ZPLD1: variants seen among roughly 807,000 people sequenced by gnomAD.
ZPLD1 encodes the protein zona pellucida like domain containing 1, also known as zona pellucida-like domain-containing protein 1.
Under a neutral mutation model 47.2 loss-of-function variants are expected in ZPLD1, and 34 were observed. The observed-to-expected ratio is 0.72, with a 90% confidence interval of 0.55 to 0.96. ZPLD1 has a LOEUF of 0.96. Among genes scored for constraint, ZPLD1 ranks in the 40% least tolerant of loss-of-function variants. ZPLD1 has a pLI of 0.00. For synonymous variants in ZPLD1, 176 were observed against 186.2 expected, an observed-to-expected ratio of 0.95 and a Z score of 0.45; for missense variants, 512 against 505.8, an observed-to-expected ratio of 1.01 and a Z score of -0.12.
At chr3:102,448,716 A>G (rs1170073658) in intron 3 of ZPLD1, among the ~76,000 whole-genome samples, 1 of 152,244 alleles carries the variant, frequency 6.6e-6, no homozygotes, top group Non-Finnish European at 1.5e-5. Context: ...GAAAACAGAA[A>G]AGAGCACTAC....
At chr3:102,392,157 C>G (rs1706503402) in intron 6 of ZPLD1, 1 of 152,042 alleles carries the variant, frequency 6.6e-6, no homozygotes, top group Non-Finnish European at 1.5e-5. Context: ...TCCACAATAC[C>G]CTCTTCTTTT....
intron 10 of ZPLD1, among the ~76,000 whole-genome samples, chr3:102,475,453 A>G (rs1707745518): frequency 6.6e-6 from 1 of 152,162 alleles, no homozygotes; most frequent in Non-Finnish European, 1.5e-5. Flanking sequence ...ATTTTAAAGC[A>G]ATTAAGTGTG....
chr3:102,437,327 C>G (rs1707105824), intron 2 of ZPLD1, among the ~76,000 whole-genome samples: 1 of 152,124 alleles, frequency 6.6e-6, no homozygotes, highest in South Asian at 2.1e-4. Flanking sequence ...TTTCCCACAT[C>G]CTCACCAAAG....
intron 8 of ZPLD1, among the ~76,000 whole-genome samples, chr3:102,419,673 A>G (rs2107305151): frequency 6.6e-6 from 1 of 151,884 alleles, no homozygotes; most frequent in Non-Finnish European, 1.5e-5. Context: ...TCTAAACGTA[A>G]CTTTTGAACC....
rs1706449022 is a variant in ZPLD1 at position 102,387,883 on chromosome 3, G to T, written c.-213+2566G>T. On this transcript the variant is annotated intron_variant, in intron 6 of 17. Transcript: ENST00000491959. Reference sequence around the variant, plus strand: ...TTTTTTTTTTTTTTTTTGTGAGACGGAGTCTCTCTCTCTGTCGCCCAGGCT... The same window carrying T: ...TTTTTTTTTTTTTTTTTGTGAGACGTAGTCTCTCTCTCTGTCGCCCAGGCT... Among the ~76,000 whole-genome samples, 7 of 132,930 alleles carry T rather than the reference G, an allele frequency of 5.3e-5. No homozygotes were observed. In the South Asian group the frequency reaches 1.6e-3, roughly 31 times the overall value. The allele number at this position is 132,930 out of a possible 152,430, so 87.2% of individuals were successfully genotyped here. A position where few individuals can be genotyped will look rare whatever the true frequency, so the allele number is the denominator to read the frequency against.
intron 10 of ZPLD1, among the ~76,000 whole-genome samples, chr3:102,475,790 C>G (rs551766497): frequency 2.4e-4 from 37 of 152,096 alleles, no homozygotes; most frequent in African/African-American, 6.3e-4. Context: ...CAGAATCAGA[C>G]AGCAGAACCA....
chr3:102,457,189 C>T (rs145957006), intron 5 of ZPLD1, among the ~76,000 whole-genome samples: 161 of 152,232 alleles, frequency 1.1e-3, no homozygotes, highest in African/African-American at 3.7e-3. Flanking sequence ...ATATTCATAG[C>T]TGGTTTTAAT....
intron 10 of ZPLD1, 91 bp from the exon 11 acceptor site, chr3:102,476,921 T>C: frequency 4.1e-6 from 6 of 1,448,388 alleles, no homozygotes; most frequent in Non-Finnish European, 5.8e-6. Flanking sequence ...CAGGTAAAAA[T>C]GTAGGTACAA....
intron 6 of ZPLD1, among the ~76,000 whole-genome samples, chr3:102,389,292 G>T (rs1292088989): frequency 6.6e-6 from 1 of 152,130 alleles, no homozygotes; most frequent in African/African-American, 2.4e-5. Flanking sequence ...CAACACATAT[G>T]GTTGACATGT....
At chr3:102,465,355 T>C (rs1707574439) in intron 8 of ZPLD1, among the ~76,000 whole-genome samples, 1 of 152,070 alleles carries the variant, frequency 6.6e-6, no homozygotes, top group Non-Finnish European at 1.5e-5. Context: ...TAGAAAAAAA[T>C]GGTTGGCTTT....
At chr3:102,441,665 A>C (rs1235643053) in intron 3 of ZPLD1, among the ~76,000 whole-genome samples, 1 of 152,174 alleles carries the variant, frequency 6.6e-6, no homozygotes, top group African/African-American at 2.4e-5. Context: ...TGTGATTCAC[A>C]TCACAGGTAA....
At chr3:102,403,751 C>CA (rs1299228591) in intron 7 of ZPLD1, among the ~76,000 whole-genome samples, 1 of 151,714 alleles carries the variant, frequency 6.6e-6, no homozygotes, top group Non-Finnish European at 1.5e-5. Flanking sequence ...GTAGGTGGGC[C>CA]ATAAAGGAAT....
At chr3:102,431,074 C>T (rs1341750069), upstream of ZPLD1, among the ~76,000 whole-genome samples, 1 of 152,080 alleles carries the variant, frequency 6.6e-6, no homozygotes, top group African/African-American at 2.4e-5. Flanking sequence ...TCACTTACTC[C>T]CCCAAAACTC....
chr3:102,435,863 C>A (rs1427890641), intron 1 of ZPLD1, among the ~76,000 whole-genome samples: 1 of 152,156 alleles, frequency 6.6e-6, no homozygotes, highest in East Asian at 1.9e-4. Context: ...AGGATGATCT[C>A]GATCTCCTGA....
At chr3:102,421,125 C>T (rs1023142387) in intron 8 of ZPLD1, among the ~76,000 whole-genome samples, 5 of 151,860 alleles carry the variant, frequency 3.3e-5, no homozygotes, top group Non-Finnish European at 5.9e-5. Context: ...GTAAGAGAGA[C>T]TGAAGACCGC....
chr3:102,470,748 G>A (rs375775700), intron 10 of ZPLD1, among the ~76,000 whole-genome samples: 6 of 139,322 alleles, frequency 4.3e-5, no homozygotes, highest in Admixed American at 2.1e-4. Context: ...ACACACACAC[G>A]CACACACGAG....
intron 7 of ZPLD1, among the ~76,000 whole-genome samples, chr3:102,400,217 C>A (rs984634021): frequency 2.6e-5 from 4 of 152,052 alleles, no homozygotes; most frequent in African/African-American, 7.2e-5. Context: ...GAAGCTCTAA[C>A]CTGATGCAAG....
At chr3:102,456,497 G>A in intron 5 of ZPLD1, 123 bp downstream of exon 5, 2 of 815,542 alleles carry the variant, frequency 2.5e-6, no homozygotes, top group East Asian at 5.0e-5. Context: ...ACAATGTAAT[G>A]GGAAACATAT....
chr3:102,455,610 G>C (rs1358442988), intron 4 of ZPLD1, among the ~76,000 whole-genome samples: 1 of 152,196 alleles, frequency 6.6e-6, no homozygotes, highest in Non-Finnish European at 1.5e-5. Flanking sequence ...AGTTTGCAAA[G>C]GTGGACAAGA....
Sources: gnomAD v4.1 joint callset for allele counts (sites outside exome capture counted in the v4.1 genomes callset) on GRCh38, gnomAD v4.1.1 for gene constraint, MANE v1.5 for transcripts, NCBI Gene and HGNC (gene_info 2026-07-23, HGNC 2026-07-21) for gene names.